Variants in SLC41A3 observed in about 807,000 individuals in gnomAD.
SLC41A3 encodes the protein solute carrier family 41 member 3.
Under a neutral mutation model 45.4 loss-of-function variants are expected in SLC41A3, and 44 were observed. That is an observed-to-expected ratio of 0.97 (90% CI 0.76 to 1.25). The LOEUF (loss-of-function observed/expected upper bound fraction) is 1.25. Among genes scored for constraint, SLC41A3 ranks in the 50% most tolerant of loss-of-function variants. The pLI, the probability that SLC41A3 is intolerant of heterozygous loss-of-function variation, is 0.00. For synonymous variants in SLC41A3, 256 were observed against 252.4 expected, an observed-to-expected ratio of 1.01 and a Z score of -0.13; for missense variants, 550 against 600.6, an observed-to-expected ratio of 0.92 and a Z score of 0.88.
intron 1 of SLC41A3, among the ~76,000 whole-genome samples, chr3:126,091,677 T>C (rs1458678103): frequency 1.3e-5 from 2 of 152,218 alleles, no homozygotes; most frequent in Admixed American, 1.3e-4. Context: ...GTTAATTCTT[T>C]CCTGGATCAG....
At chr3:126,024,137 C>G (rs1419633485) in intron 5 of SLC41A3, 2 of 152,222 alleles carry the variant, frequency 1.3e-5, no homozygotes, top group African/African-American at 4.8e-5. Flanking sequence ...CTGTGATAGC[C>G]TCTTCAACAC....
intron 3 of SLC41A3, among the ~76,000 whole-genome samples, chr3:126,043,861 G>T (rs1418899333): frequency 6.8e-6 from 1 of 146,590 alleles, no homozygotes; most frequent in African/African-American, 2.5e-5. Flanking sequence ...AAGGCAATAG[G>T]GAAGAAATAA....
chr3:126,057,035 G>A (rs1484150840), intron 2 of SLC41A3: 2 of 1,014,914 alleles, frequency 2.0e-6, no homozygotes, highest in Non-Finnish European at 2.4e-6. Context: ...CCCTGTACAA[G>A]TGTGCTGGGC....
chr3:126,036,908 T>C (rs1329270704), intron 3 of SLC41A3, among the ~76,000 whole-genome samples: 1 of 152,198 alleles, frequency 6.6e-6, no homozygotes, highest in African/African-American at 2.4e-5. Flanking sequence ...CAGAAAAGTT[T>C]CAAAGTCAAC....
In SLC41A3 at chr3:126,068,157, C is replaced by T. The variant is rs1485326722; in HGVS notation, c.63G>A (p.Gly21=). 1 of 1,596,996 alleles carries T rather than the reference C, an allele frequency of 6.3e-7. No individual in the cohort carries two copies. The highest frequency in any genetic ancestry group is 1.8e-5 in the Admixed American group (1 of 57,104). Residue 21 remains glycine (G), a synonymous_variant, in exon 2 of 11, where the codon GGG becomes GGA. Transcript: ENST00000360370. The stretch of plus-strand genomic sequence containing the variant: ...CTCCTGTGCTGAGGGGGTGAGGAAG[C>T]CCCAGCTCCCCTGGCTTGCCACAGC... ...LDSCGKPGEL[G]LPHPLSTGGL... is the part of the protein sequence containing the mutation.
intron 8 of SLC41A3, among the ~76,000 whole-genome samples, chr3:126,014,266 A>G (rs774336497): frequency 2.6e-5 from 4 of 152,088 alleles, no homozygotes; most frequent in Non-Finnish European, 5.9e-5. Context: ...TTTTAAAAAG[A>G]AAAAGGAAAA....
At chr3:126,048,512 G>T (rs1452948213) in intron 3 of SLC41A3, among the ~76,000 whole-genome samples, 1 of 152,168 alleles carries the variant, frequency 6.6e-6, no homozygotes, top group Admixed American at 6.5e-5. Flanking sequence ...GATTTGCTTA[G>T]ATTTTCCAAG....
chr3:126,054,530 C>G (rs1316109698), intron 2 of SLC41A3, among the ~76,000 whole-genome samples: 3 of 152,104 alleles, frequency 2.0e-5, no homozygotes, highest in Non-Finnish European at 2.9e-5. Flanking sequence ...ATCACTGTCC[C>G]CATGACAGCG....
chr3:126,044,788 C>T (rs4627715), intron 3 of SLC41A3, among the ~76,000 whole-genome samples: 5 of 148,706 alleles, frequency 3.4e-5, no homozygotes, highest in African/African-American at 5.0e-5. Flanking sequence ...CCCAGCTACT[C>T]AGGAGGCTGA....
intron 1 of SLC41A3, among the ~76,000 whole-genome samples, chr3:126,075,094 G>A (rs1421797232): frequency 6.6e-6 from 1 of 151,354 alleles, no homozygotes; most frequent in Non-Finnish European, 1.5e-5. Flanking sequence ...GCAGGTATAT[G>A]CTATCATGCT....
chr3:126,046,207 T>C (rs78084754), intron 3 of SLC41A3, among the ~76,000 whole-genome samples: 9,700 of 152,304 alleles, frequency 0.064, 352 homozygotes, highest in Middle Eastern at 0.099. Flanking sequence ...CTGCTTTCAC[T>C]ACTTCTTTTT....
chr3:126,038,085 G>C (rs1942333617), intron 3 of SLC41A3, among the ~76,000 whole-genome samples: 1 of 152,386 alleles, frequency 6.6e-6, no homozygotes. Context: ...TGCATGGAAT[G>C]CAAGAGTGAA....
chr3:126,100,660 A>T (rs185217067), intron 1 of SLC41A3, among the ~76,000 whole-genome samples: 6 of 152,232 alleles, frequency 3.9e-5, no homozygotes, highest in Admixed American at 3.9e-4. Flanking sequence ...TACTATCTCT[A>T]TGAGAAGCAG....
chr3:126,021,505 T>C (rs942510703), intron 6 of SLC41A3, among the ~76,000 whole-genome samples: 5 of 152,250 alleles, frequency 3.3e-5, no homozygotes, highest in Admixed American at 6.5e-5. Context: ...CTAAGACTCC[T>C]GTCATTCCAG....
At chr3:126,082,098 G>C (rs1243417893) in intron 1 of SLC41A3, among the ~76,000 whole-genome samples, 1 of 152,270 alleles carries the variant, frequency 6.6e-6, no homozygotes, top group Non-Finnish European at 1.5e-5. Context: ...GGATCTCCCA[G>C]CTGTGGACAT....
chr3:126,033,750 G>T, intron 3 of SLC41A3, 72 bp from the exon 4 acceptor site: 1 of 1,476,480 alleles, frequency 6.8e-7, no homozygotes, highest in Non-Finnish European at 9.3e-7. Context: ...CCTGGGAAAG[G>T]CAGTCTCTCA....
rs1939207683 is a variant in SLC41A3, at chr3:126,007,333, C to G, written c.1255-108G>C. Reference sequence around the variant, plus strand: ...AGAGATACCAAGGTGGACAGGTCAACCCCAGCCAGCCTCCTTCATCCAGCT... The same window carrying G: ...AGAGATACCAAGGTGGACAGGTCAAGCCCAGCCAGCCTCCTTCATCCAGCT... On this transcript the variant is annotated intron_variant, in intron 10 of 10. Coordinates refer to ENST00000360370, the MANE Select transcript of SLC41A3 (RefSeq NM_017836.4). 1.3e-5 allele frequency: 15 copies of G among 1,168,496 alleles called. No homozygotes were observed. In the South Asian group the frequency reaches 2.2e-4, roughly 17 times the overall value. The allele number at this position is 1,168,496 out of a possible 1,614,324, so 72.4% of individuals were successfully genotyped here.
At chr3:126,059,127 T>C (rs1423524358) in intron 2 of SLC41A3, among the ~76,000 whole-genome samples, 1 of 150,830 alleles carries the variant, frequency 6.6e-6, no homozygotes, top group African/African-American at 2.5e-5. Flanking sequence ...ATGGCTCCAT[T>C]CCACAGATCA....
At chr3:126,007,268 A>T in intron 10 of SLC41A3, 43 bp from the exon 11 acceptor site, 1 of 1,598,604 alleles carries the variant, frequency 6.3e-7, no homozygotes, top group Non-Finnish European at 8.5e-7. Context: ...CCAAGTCAGA[A>T]AGTCAAGTAC....
Sources: gnomAD v4.1 joint callset for allele counts (sites outside exome capture counted in the v4.1 genomes callset) on GRCh38, gnomAD v4.1.1 for gene constraint, MANE v1.5 for transcripts, NCBI Gene and HGNC (gene_info 2026-07-23, HGNC 2026-07-21) for gene names.